LTBP2: variants seen among roughly 807,000 people sequenced by gnomAD.
The protein encoded by LTBP2 is latent-transforming growth factor beta-binding protein 2.
LTBP2 carries 103 observed loss-of-function variants against 210.6 expected under a neutral mutation model. That is an observed-to-expected ratio of 0.49 (90% CI 0.42 to 0.58). The LOEUF is 0.58. Ranked by LOEUF, LTBP2 falls within the 20% of genes least tolerant of loss-of-function variation. The pLI is 0.00. For synonymous variants in LTBP2, 1,007 were observed against 1,015.0 expected, an observed-to-expected ratio of 0.99 and a Z score of 0.15; for missense variants, 2,313 against 2,494.5, an observed-to-expected ratio of 0.93 and a Z score of 1.55.
At chr14:74,551,374 A>G in intron 6 of LTBP2, 24 bp from the exon 7 acceptor site, 1 of 1,533,288 alleles carries the variant, frequency 6.5e-7, no homozygotes, top group South Asian at 1.3e-5. Flanking sequence ...CTAGAGTCAG[A>G]GCCAGGGAAG....
intron 2 of LTBP2, among the ~76,000 whole-genome samples, chr14:74,598,098 A>T (rs1227014316): frequency 6.6e-6 from 1 of 152,248 alleles, no homozygotes; most frequent in East Asian, 1.9e-4. Flanking sequence ...CTTGCCCAAG[A>T]TCACCATGCT....
chr14:74,580,604 C>T (rs1026791768), intron 3 of LTBP2, among the ~76,000 whole-genome samples: 4 of 152,166 alleles, frequency 2.6e-5, no homozygotes, highest in African/African-American at 9.7e-5. Context: ...ACTTCCAGCT[C>T]CTGAGCTATA....
chr14:74,541,796 G>A (rs1356840370), intron 8 of LTBP2, among the ~76,000 whole-genome samples: 1 of 152,138 alleles, frequency 6.6e-6, no homozygotes, highest in Non-Finnish European at 1.5e-5. Flanking sequence ...TCAGAAGGAG[G>A]TCAGAAGAAC....
intron 1 of LTBP2, among the ~76,000 whole-genome samples, chr14:74,606,477 C>T (rs914026929): frequency 6.6e-6 from 1 of 152,220 alleles, no homozygotes; most frequent in Non-Finnish European, 1.5e-5. Context: ...GCCTAGAATG[C>T]CTTTCCTCTC....
intron 2 of LTBP2, among the ~76,000 whole-genome samples, chr14:74,587,049 A>C (rs546561995): frequency 3.8e-4 from 58 of 151,806 alleles, no homozygotes; most frequent in Non-Finnish European, 6.6e-4. Flanking sequence ...ACTGTCCTTC[A>C]CCCCCTTGCA....
chr14:74,571,991 G>A (rs897695327), intron 3 of LTBP2, among the ~76,000 whole-genome samples: 5 of 150,408 alleles, frequency 3.3e-5, no homozygotes, highest in African/African-American at 1.2e-4. Context: ...AATGCTTGTC[G>A]CAGCTACTCA....
intron 30 of LTBP2, among the ~76,000 whole-genome samples, chr14:74,504,495 A>G (rs979374014): frequency 2.6e-5 from 4 of 152,230 alleles, no homozygotes; most frequent in Non-Finnish European, 5.9e-5. Flanking sequence ...CTGTGCCCAC[A>G]TGTGGCTGTG....
intron 8 of LTBP2, among the ~76,000 whole-genome samples, chr14:74,545,387 G>A (rs1274995822): frequency 1.3e-5 from 2 of 152,194 alleles, no homozygotes; most frequent in East Asian, 1.9e-4. Context: ...AGGAACTGGC[G>A]GCTATTCTTG....
chr14:74,522,640 A>C, intron 16 of LTBP2, 150 bp downstream of exon 16: 2 of 905,952 alleles, frequency 2.2e-6, no homozygotes, highest in Non-Finnish European at 3.2e-6. Flanking sequence ...AAGTTAGCTT[A>C]GTCCACAGGG....
chr14:74,507,268 G>T lies in LTBP2; in HGVS notation c.3818C>A (p.Thr1273Asn), dbSNP rs747236541. Residue 1273 changes from threonine to asparagine, a missense_variant, in exon 26 of 36, where the codon ACC (threonine) becomes AAC (asparagine). Thr to Asn is a moderately conservative substitution (Grantham distance 65). Around this residue, in one of 3 missense-constraint regions of LTBP2, gnomAD observed 1,867 missense variants for 1,976.9 expected, o/e 0.94. Coordinates refer to ENST00000261978, the MANE Select transcript of LTBP2 (RefSeq NM_000428.3). ...CEDYGDPVCGTWKCENSPGSY... is the reference protein window; with the variant it reads ...CEDYGDPVCGNWKCENSPGSY... The stretch of plus-strand genomic sequence containing the variant: ...GCCAGGGCTGTTTTCACACTTCCAG[G>T]TGCCACACACCGGGTCTCCATAGTC... 5 of 1,614,132 alleles carry T rather than the reference G, an allele frequency of 3.1e-6. No homozygotes were observed. Among genetic ancestry groups the T allele is most frequent in the Non-Finnish European group, 3.4e-6 (4 of 1,180,016 alleles).
At chr14:74,501,713 G>A in intron 34 of LTBP2, 123 bp from the exon 35 acceptor site, 1 of 1,203,518 alleles carries the variant, frequency 8.3e-7, no homozygotes, top group South Asian at 1.3e-5. Flanking sequence ...TGGGGGCAGA[G>A]AGGATCATAA....
chr14:74,523,680 C>G (rs1024967144), intron 15 of LTBP2, among the ~76,000 whole-genome samples: 3 of 152,114 alleles, frequency 2.0e-5, no homozygotes, highest in African/African-American at 4.8e-5. Flanking sequence ...TGAACGGTAT[C>G]CCTAATACTA....
At chr14:74,572,307 C>G (rs148816242) in intron 3 of LTBP2, among the ~76,000 whole-genome samples, 21 of 140,326 alleles carry the variant, frequency 1.5e-4, no homozygotes, top group East Asian at 4.1e-4. Context: ...GTGTGTGTGT[C>G]TGTGTGTGTG....
chr14:74,509,619 A>C, intron 21 of LTBP2, 115 bp downstream of exon 21: 1 of 1,476,178 alleles, frequency 6.8e-7, no homozygotes, highest in South Asian at 1.2e-5. Context: ...GGGGTCTTCT[A>C]GCCTAGCCTG....
chr14:74,537,404 C>T lies in LTBP2; in HGVS notation c.1790-1404G>A, dbSNP rs565584259. On this transcript the variant is annotated intron_variant, in intron 8 of 35. Coordinates refer to ENST00000261978, the MANE Select transcript of LTBP2 (RefSeq NM_000428.3). The stretch of plus-strand genomic sequence containing the variant: ...GATAGCCAGCAATTCTAAGCAGGCA[C>T]GAGCAATTGCCACAGACCTTATTCC... Among the ~76,000 whole-genome samples, 10 of 152,336 alleles carry T rather than the reference C, an allele frequency of 6.6e-5. No homozygotes were observed. The South Asian group carries it at 1.2e-3, about 19-fold the overall frequency.
At chr14:74,503,731 G>T in intron 31 of LTBP2, 125 bp from the exon 32 acceptor site, 1 of 1,361,442 alleles carries the variant, frequency 7.3e-7, no homozygotes, top group Non-Finnish European at 9.5e-7. Flanking sequence ...CCTCAACCCA[G>T]CCCAGCCTGG....
Position 74,516,883 on chromosome 14 carries a change from C to T in LTBP2, c.2847G>A (p.Glu949=). 1 of 1,551,944 alleles carries T rather than the reference C, an allele frequency of 6.4e-7. No individual in the cohort carries two copies. The highest frequency in any genetic ancestry group is 8.7e-7 in the Non-Finnish European group (1 of 1,147,108). ...GATCACACTCGCAGTGGTACGAGCC[C>T]TCGGTGTTGGTGCACTGCCCCCCGC... The part of the protein sequence containing the change: ...VCSGGQCTNT[E]GSYHCECDQG... Residue 949 remains glutamate (E), a synonymous_variant, in exon 18 of 36, where the codon GAG becomes GAA. Transcript: ENST00000261978.
intron 28 of LTBP2, among the ~76,000 whole-genome samples, chr14:74,505,505 G>A (rs537360304): frequency 2.0e-4 from 30 of 152,288 alleles, no homozygotes; most frequent in African/African-American, 7.0e-4. Flanking sequence ...GCTGCCCCCA[G>A]TGCCTGGCAT....
At chr14:74,595,230 A>G (rs997522700) in intron 2 of LTBP2, among the ~76,000 whole-genome samples, 1 of 152,140 alleles carries the variant, frequency 6.6e-6, no homozygotes, top group Non-Finnish European at 1.5e-5. Context: ...TGTTAATTGC[A>G]TTAACAAATG....
Sources: gnomAD v4.1 joint callset for allele counts (sites outside exome capture counted in the v4.1 genomes callset) on GRCh38, gnomAD v4.1.1 for gene constraint, gnomAD v4.1.1 regional missense constraint, MANE v1.5 for transcripts, NCBI Gene and HGNC (gene_info 2026-07-23, HGNC 2026-07-21) for gene names.